The following SHANK2 variants were observed in gnomAD, a reference collection of about 807,000 sequenced individuals.
SHANK2 encodes the protein SH3 and multiple ankyrin repeat domains 2, also known as SH3 and multiple ankyrin repeat domains protein 2.
Under a neutral mutation model 133.7 loss-of-function variants are expected in SHANK2, and 43 were observed. The ratio of observed to expected loss-of-function variants is 0.32; its 90% CI spans 0.25 to 0.41. SHANK2 has a LOEUF of 0.41. Ranked by LOEUF, SHANK2 falls within the 10% of genes least tolerant of loss-of-function variation. The pLI is 1.00. For missense variants in SHANK2, 1,994 were observed against 2,235.8 expected (o/e 0.89, Z 2.18); for synonymous variants, 1,017 against 952.8 (o/e 1.07, Z -1.24).
At chr11:70,796,349 C>T (rs1238859084) in intron 14 of SHANK2, among the ~76,000 whole-genome samples, 1 of 152,212 alleles carries the variant, frequency 6.6e-6, no homozygotes, top group Non-Finnish European at 1.5e-5. Context: ...TCCCCCTACG[C>T]AGCAGCCCTC....
chr11:70,669,858 T>C (rs2186567), intron 15 of SHANK2, among the ~76,000 whole-genome samples: 8,972 of 152,292 alleles, frequency 0.059, 357 homozygotes, highest in Middle Eastern at 0.11. Flanking sequence ...TGATGGCGGC[T>C]GGGGAATCAC....
intron 17 of SHANK2, among the ~76,000 whole-genome samples, chr11:70,627,852 T>C (rs1053015698): frequency 6.6e-6 from 1 of 152,230 alleles, no homozygotes; most frequent in Non-Finnish European, 1.5e-5. Context: ...TCAAAAAGTT[T>C]GGGGTTTTAG....
At chr11:70,884,195 A>G (rs1263044287) in intron 11 of SHANK2, among the ~76,000 whole-genome samples, 1 of 152,120 alleles carries the variant, frequency 6.6e-6, no homozygotes, top group Non-Finnish European at 1.5e-5. Flanking sequence ...CCCACCAGAG[A>G]GGGCTCGGGG....
chr11:71,198,552 AT>A (rs1953956571), intron 2 of SHANK2, among the ~76,000 whole-genome samples: 2 of 151,908 alleles, frequency 1.3e-5, no homozygotes, highest in African/African-American at 4.8e-5. Flanking sequence ...CCACTACCAC[AT>A]CGTGAGTCCA....
At chr11:70,759,963 C>T (rs1555039808) in intron 14 of SHANK2, among the ~76,000 whole-genome samples, 1 of 152,190 alleles carries the variant, frequency 6.6e-6, no homozygotes, top group African/African-American at 2.4e-5. Context: ...CAGAAGGAAC[C>T]CACCCTGCAG....
chr11:70,864,557 C>T (rs550750044), intron 11 of SHANK2: 6 of 152,248 alleles, frequency 3.9e-5, no homozygotes, highest in Non-Finnish European at 5.9e-5. Flanking sequence ...TAAAAGCAGC[C>T]GTATTGGGGG....
chr11:70,837,341 C>A (rs781815976), intron 11 of SHANK2, among the ~76,000 whole-genome samples: 21 of 152,132 alleles, frequency 1.4e-4, no homozygotes, highest in Non-Finnish European at 2.5e-4. Flanking sequence ...CTGGCCTGGA[C>A]ACACCTCTGC....
At chr11:70,571,591 G>T (rs1554983101) in intron 17 of SHANK2, among the ~76,000 whole-genome samples, 1 of 152,206 alleles carries the variant, frequency 6.6e-6, no homozygotes, top group Non-Finnish European at 1.5e-5. Flanking sequence ...TAATACAGTG[G>T]CCTTGGGTCT....
intron 3 of SHANK2, among the ~76,000 whole-genome samples, chr11:71,120,525 T>C (rs1219184932): frequency 4.6e-5 from 7 of 152,140 alleles, no homozygotes; most frequent in African/African-American, 9.7e-5. Flanking sequence ...TCGGGTTCAG[T>C]GGGCGGCCAG....
intron 10 of SHANK2, among the ~76,000 whole-genome samples, chr11:70,898,140 AT>A (rs1223772231): frequency 3.0e-4 from 44 of 147,044 alleles, no homozygotes; most frequent in African/African-American, 6.2e-4. Flanking sequence ...TTAAAAAAAA[AT>A]TTTTTTTTTT....
chr11:70,563,838 T>C (rs2059937446), intron 17 of SHANK2, among the ~76,000 whole-genome samples: 1 of 152,232 alleles, frequency 6.6e-6, no homozygotes, highest in South Asian at 2.1e-4. Context: ...TGGTGATGAA[T>C]GATTAAACCT....
chr11:70,948,817 G>C (rs1363658881), intron 10 of SHANK2, among the ~76,000 whole-genome samples: 1 of 152,200 alleles, frequency 6.6e-6, no homozygotes, highest in East Asian at 1.9e-4. Context: ...CTGGAAAGCT[G>C]AATTTTTTAA....
chr11:70,726,341 G>A (rs1946180830), intron 14 of SHANK2, among the ~76,000 whole-genome samples: 1 of 152,182 alleles, frequency 6.6e-6, no homozygotes, highest in Non-Finnish European at 1.5e-5. Flanking sequence ...ACTAAAAGGA[G>A]CACCAGAAAC....
chr11:70,490,898 T>C (rs908822118), intron 22 of SHANK2, among the ~76,000 whole-genome samples: 1 of 152,206 alleles, frequency 6.6e-6, no homozygotes, highest in East Asian at 1.9e-4. Flanking sequence ...AACCAGGTAT[T>C]GTGGTGGTGT....
intron 23 of SHANK2, 163 bp downstream of exon 23, chr11:70,490,113 C>T (rs1390538891): frequency 1.2e-5 from 8 of 640,262 alleles, no homozygotes; most frequent in Non-Finnish European, 2.3e-5. Flanking sequence ...CCCTAGTGGG[C>T]AAGGCCAGGT....
chr11:70,883,535 C>T (rs73525322), intron 11 of SHANK2, among the ~76,000 whole-genome samples: 1,934 of 152,138 alleles, frequency 0.013, 41 homozygotes, highest in African/African-American at 0.044. Context: ...GAACCTGACC[C>T]GAGCAGGCAG....
chr11:70,513,163 G>GC (rs2059224030), intron 17 of SHANK2, among the ~76,000 whole-genome samples: 1 of 144,074 alleles, frequency 6.9e-6, no homozygotes, highest in Non-Finnish European at 1.5e-5. Flanking sequence ...GCAGTTTTTT[G>GC]TTTTTTTTTT....
chr11:70,653,291 C>T (rs1555010659), intron 17 of SHANK2, among the ~76,000 whole-genome samples: 3 of 152,020 alleles, frequency 2.0e-5, no homozygotes, highest in African/African-American at 7.2e-5. Flanking sequence ...ATTTTCTTTC[C>T]TCCAAGTAAT....
At chr11:71,221,886 A>T (rs574568007) in intron 2 of SHANK2, among the ~76,000 whole-genome samples, 1 of 152,188 alleles carries the variant, frequency 6.6e-6, no homozygotes, top group South Asian at 2.1e-4. Context: ...CCACAAGACA[A>T]TGTTCATGAT....
Sources: gnomAD v4.1 joint callset for allele counts (sites outside exome capture counted in the v4.1 genomes callset) on GRCh38, gnomAD v4.1.1 for gene constraint, MANE v1.5 for transcripts, NCBI Gene and HGNC (gene_info 2026-07-23, HGNC 2026-07-21) for gene names.